PRKN: variants seen among roughly 807,000 people sequenced by gnomAD.
PRKN encodes the protein parkin RBR E3 ubiquitin protein ligase.
Under a neutral mutation model 59.5 loss-of-function variants are expected in PRKN, and 56 were observed. That is an observed-to-expected ratio of 0.94 (90% confidence interval 0.76 to 1.18). The LOEUF (loss-of-function observed/expected upper bound fraction) is 1.18. Among genes scored for constraint, PRKN ranks in the 50% most tolerant of loss-of-function variants. PRKN has a pLI of 0.00. For missense variants in PRKN, 657 were observed against 596.4 expected, an observed-to-expected ratio of 1.10 and a Z score of -1.06; for synonymous variants, 250 against 222.1, an observed-to-expected ratio of 1.13 and a Z score of -1.12.
chr6:161,828,675 C>A (rs1792346985), intron 6 of PRKN, among the ~76,000 whole-genome samples: 1 of 152,110 alleles, frequency 6.6e-6, no homozygotes, highest in South Asian at 2.1e-4. Context: ...TCTCAGCACT[C>A]TGGGAGGCTG....
chr6:162,383,908 T>G (rs1012889754), intron 2 of PRKN, among the ~76,000 whole-genome samples: 5 of 152,192 alleles, frequency 3.3e-5, no homozygotes, highest in Non-Finnish European at 5.9e-5. Flanking sequence ...CTTCTCTCCT[T>G]CAACTTCATC....
chr6:162,658,243 TTCTG>T (rs1230731836), intron 1 of PRKN, among the ~76,000 whole-genome samples: 2 of 152,208 alleles, frequency 1.3e-5, no homozygotes, highest in Non-Finnish European at 2.9e-5. Context: ...TCAACTTTCT[TTCTG>T]TAGAGTCTAG....
chr6:162,236,580 GT>G (rs1358055041), intron 3 of PRKN, among the ~76,000 whole-genome samples: 1 of 151,502 alleles, frequency 6.6e-6, no homozygotes, highest in Non-Finnish European at 1.5e-5. Context: ...GAGGTCAGGA[GT>G]TTGAAACCAG....
At chr6:162,525,409 C>T (rs1371213603) in intron 1 of PRKN, among the ~76,000 whole-genome samples, 1 of 152,198 alleles carries the variant, frequency 6.6e-6, no homozygotes, top group African/African-American at 2.4e-5. Context: ...TTTCCTCCCC[C>T]TGAAATGCTG....
chr6:161,926,251 A>G (rs1176266004), intron 6 of PRKN, among the ~76,000 whole-genome samples: 6 of 152,034 alleles, frequency 3.9e-5, no homozygotes, highest in Non-Finnish European at 8.8e-5. Context: ...CCTAAAAGAG[A>G]CTCATACTTA....
intron 5 of PRKN, among the ~76,000 whole-genome samples, chr6:161,974,979 C>T (rs1780968565): frequency 6.6e-6 from 1 of 151,860 alleles, no homozygotes; most frequent in Admixed American, 6.6e-5. Flanking sequence ...AAATATGTGG[C>T]AAGTTGGATT....
chr6:162,020,347 A>AC (rs1323228165), intron 5 of PRKN, among the ~76,000 whole-genome samples: 1 of 150,242 alleles, frequency 6.7e-6, no homozygotes, highest in East Asian at 2.0e-4. Flanking sequence ...AAAAAAAAAA[A>AC]AAAAAAAAAA....
chr6:162,316,890 A>T (rs1782775064), intron 2 of PRKN, among the ~76,000 whole-genome samples: 1 of 152,166 alleles, frequency 6.6e-6, no homozygotes, highest in Admixed American at 6.6e-5. Context: ...ATTAGTATAA[A>T]AAACAGTAAA....
intron 6 of PRKN, among the ~76,000 whole-genome samples, chr6:161,907,694 A>G (rs1015735089): frequency 1.8e-4 from 28 of 152,216 alleles, no homozygotes; most frequent in Admixed American, 1.8e-3. Context: ...GATGGTCTGT[A>G]GAGTTCGGAC....
In PRKN at chr6:162,512,232, A is replaced by G. The variant is rs1777657252; in HGVS notation, c.8-68759T>C. ...GTGTCATTTCTTATTACAACAAAAG[A>G]TTTTCTTGATGGGGATCTGCTAATA... On this transcript the variant is annotated intron_variant, in intron 1 of 11. Coordinates refer to ENST00000366898, the MANE Select transcript of PRKN (RefSeq NM_004562.3). Among the ~76,000 whole-genome samples the G allele has an allele frequency of 2.6e-5, 4 of 152,212 alleles. No individual in the cohort carries two copies. The South Asian group carries it at 8.3e-4, about 32-fold the overall frequency.
chr6:161,990,686 C>A (rs948621976), intron 5 of PRKN, among the ~76,000 whole-genome samples: 1 of 151,960 alleles, frequency 6.6e-6, no homozygotes, highest in African/African-American at 2.4e-5. Flanking sequence ...GAAAAGAGAT[C>A]ATTTGAAATA....
intron 2 of PRKN, among the ~76,000 whole-genome samples, chr6:162,299,486 T>G (rs899745734): frequency 5.3e-5 from 8 of 152,140 alleles, no homozygotes; most frequent in African/African-American, 1.9e-4. Flanking sequence ...AAGTGTTCAG[T>G]GGCTTCAGTG....
chr6:162,205,723 C>G (rs1193073052), intron 3 of PRKN, among the ~76,000 whole-genome samples: 1 of 151,794 alleles, frequency 6.6e-6, no homozygotes, highest in Non-Finnish European at 1.5e-5. Flanking sequence ...TTTGCACTAT[C>G]TCATATTAAT....
At chr6:162,444,934 C>T (rs1237536458) in intron 1 of PRKN, among the ~76,000 whole-genome samples, 3 of 152,118 alleles carry the variant, frequency 2.0e-5, no homozygotes, top group African/African-American at 4.8e-5. Context: ...TTAAAACTAT[C>T]GTCTTGTAAC....
At position 161,530,474 on chromosome 6, in the gene PRKN, C is replaced by G. The variant is rs1779162187; in HGVS notation, c.1083+18380G>C. 6.6e-6 allele frequency among the ~76,000 whole-genome samples: 1 copy of G among 152,086 alleles called. No homozygotes were observed. The highest frequency in any genetic ancestry group is 2.4e-5 in the African/African-American group (1 of 41,418). On this transcript the variant is annotated intron_variant, in intron 9 of 11. Transcript: ENST00000366898. This position sits in a 1 kb window ranked among gnomAD's most constrained non-coding sequence, Gnocchi z 5.0. ...CAGCAGGAATTGGAGCAGCCTCATTCCGTGTCGAAGAAGACCTATACGGCT... is the reference window on the plus strand; with the variant it reads ...CAGCAGGAATTGGAGCAGCCTCATTGCGTGTCGAAGAAGACCTATACGGCT...
chr6:161,970,399 CTA>C (rs57166297), intron 6 of PRKN, among the ~76,000 whole-genome samples: 14,104 of 146,132 alleles, frequency 0.097, 771 homozygotes, highest in African/African-American at 0.15. Context: ...TGATACGAAA[CTA>C]TATATATATA....
rs1188395835 is a variant in PRKN at position 161,497,245 on chromosome 6, G to T, written c.1083+51609C>A. The stretch of plus-strand genomic sequence containing the variant: ...AAGAAGTACAGGAAGCTCTGCCAAG[G>T]AGTGGAAGGGATTTGTACCTCCTTA... On this transcript the variant is annotated intron_variant, in intron 9 of 11. Transcript: ENST00000366898. The surrounding 1 kb of genome is among the most constrained non-coding windows in gnomAD (Gnocchi z 4.6). Among the ~76,000 whole-genome samples, 2 of 152,174 alleles carry T rather than the reference G, an allele frequency of 1.3e-5. No individual in the cohort carries two copies. Among genetic ancestry groups the T allele is most frequent in the Non-Finnish European group, 2.9e-5 (2 of 68,026 alleles).
intron 4 of PRKN, among the ~76,000 whole-genome samples, chr6:162,145,842 G>A (rs954039904): frequency 6.6e-6 from 1 of 152,150 alleles, no homozygotes; most frequent in Non-Finnish European, 1.5e-5. Context: ...GCGGCGAAAA[G>A]CAACCAATCA....
chr6:161,757,875 G>GTGTA (rs1554301321), intron 7 of PRKN, among the ~76,000 whole-genome samples: 36 of 23,482 alleles, frequency 1.5e-3, no homozygotes, highest in Middle Eastern at 0.048. Flanking sequence ...CTCTCTCTGT[G>GTGTA]TATATATATA....
Sources: gnomAD v4.1 joint callset for allele counts (sites outside exome capture counted in the v4.1 genomes callset) on GRCh38, gnomAD v4.1.1 for gene constraint, Gnocchi (gnomAD v3.1) non-coding constraint, MANE v1.5 for transcripts, NCBI Gene and HGNC (gene_info 2026-07-23, HGNC 2026-07-21) for gene names.